The following STRN4 variants were observed in gnomAD, a reference collection of about 807,000 sequenced individuals.
STRN4 encodes striatin-4.
A neutral mutation model predicts 77.9 loss-of-function variants in STRN4; 27 were observed. That is an observed-to-expected ratio of 0.35 (90% CI 0.26 to 0.48). The LOEUF (loss-of-function observed/expected upper bound fraction) is 0.48. STRN4 is among the 20% of genes least tolerant of loss of function. STRN4 has a pLI of 0.99. For missense variants in STRN4, 798 were observed against 1,049.7 expected (o/e 0.76, Z 3.31); for synonymous variants, 466 against 443.1 (o/e 1.05, Z -0.65).
Position 46,721,980 on chromosome 19 carries a change from A to G in STRN4, c.2092+6T>C. 6.2e-7 allele frequency: 1 copy of G among 1,613,636 alleles called. No homozygotes were observed. Among genetic ancestry groups the G allele is most frequent in the East Asian group, 2.2e-5 (1 of 44,862 alleles). ...AACCCTGGTGGGACTAGTGTGCTCA[A>G]CTTACTTCCTGACATCAGGAATGCG... is the stretch of plus-strand genomic sequence containing the variant. On this transcript the variant is annotated splice_donor_region_variant and intron_variant, in intron 16 of 17. Transcript: ENST00000263280.
intron 6 of STRN4, 59 bp downstream of exon 6, chr19:46,730,673 A>G: frequency 1.3e-6 from 2 of 1,590,082 alleles, no homozygotes; most frequent in East Asian, 4.5e-5. Flanking sequence ...CTGACTCGGA[A>G]GGGCTTCGAT....
chr19:46,737,703 A>G (rs957119663), intron 3 of STRN4, among the ~76,000 whole-genome samples: 2 of 152,156 alleles, frequency 1.3e-5, no homozygotes, highest in African/African-American at 4.8e-5. Flanking sequence ...AAGGGACCAG[A>G]GGGTAGAGAC....
chr19:46,724,459 C>G (rs1040529352), intron 12 of STRN4, among the ~76,000 whole-genome samples: 1 of 152,210 alleles, frequency 6.6e-6, no homozygotes, highest in Non-Finnish European at 1.5e-5. Context: ...CGGATCCCCA[C>G]ACACAGAGTA....
chr19:46,738,872 A>G lies in STRN4; in HGVS notation c.299T>C (p.Leu100Pro). 6.2e-7 allele frequency: 1 copy of G among 1,614,052 alleles called. No homozygotes were observed. The highest frequency in any genetic ancestry group is 1.1e-5 in the South Asian group (1 of 91,080). ...RAELQAQVAFLQGERKGQENL... is the reference protein window; with the variant it reads ...RAELQAQVAFPQGERKGQENL... ...CTCCTGCCCTTTCCTCTCTCCCTGA[A>G]GGAAGGCCACCTGAGCCTGGGAGGG... Residue 100 changes from leucine (L) to proline (P), a missense_variant, in exon 2 of 18, where the codon CTT (leucine) becomes CCT (proline). Physicochemically the swap from Leu to Pro is moderately conservative, Grantham distance 98 (BLOSUM62 -3). Transcript: ENST00000263280. The surrounding 1 kb of genome is among the most constrained non-coding windows in gnomAD (Gnocchi z 4.5).
intron 11 of STRN4, 77 bp downstream of exon 11, chr19:46,725,255 C>G: frequency 1.9e-6 from 3 of 1,601,498 alleles, no homozygotes; most frequent in Non-Finnish European, 1.7e-6. Flanking sequence ...GTGGGCCTCC[C>G]GCGATGGCAG....
At chr19:46,720,805 C>T (rs369606419) in intron 16 of STRN4, 34 bp from the exon 17 acceptor site, 1 of 1,516,480 alleles carries the variant, frequency 6.6e-7, no homozygotes, top group Non-Finnish European at 8.9e-7. Flanking sequence ...GGGGTGGTCA[C>T]TGGGCTCCTC....
At chr19:46,735,889 G>A (rs905548819) in intron 4 of STRN4, among the ~76,000 whole-genome samples, 3 of 151,864 alleles carry the variant, frequency 2.0e-5, no homozygotes, top group East Asian at 3.9e-4. Flanking sequence ...GCTTGAACCC[G>A]GGAGGCAGAG....
intron 6 of STRN4, among the ~76,000 whole-genome samples, chr19:46,729,955 T>TG (rs2122287614): frequency 6.6e-6 from 1 of 152,140 alleles, no homozygotes; most frequent in South Asian, 2.1e-4. Context: ...CAGCTGGGCC[T>TG]CGATGGAGGG....
chr19:46,743,313 GAAAAC>G (rs1442784354), intron 1 of STRN4, among the ~76,000 whole-genome samples: 1 of 152,054 alleles, frequency 6.6e-6, no homozygotes, highest in African/African-American at 2.4e-5. Context: ...CAGAATAAAA[GAAAAC>G]AAAAGTACAA....
chr19:46,741,812 C>T lies in STRN4; in HGVS notation c.283-2924G>A, dbSNP rs977049031. Among the ~76,000 whole-genome samples, 1 of 152,234 alleles carries T rather than the reference C, an allele frequency of 6.6e-6. No individual in the cohort carries two copies. The highest frequency in any genetic ancestry group is 2.4e-5 in the African/African-American group (1 of 41,468). Reference sequence around the variant, plus strand: ...CTGAATTCGCTGCTTCCTGTCCCAGCTAGCTGGGAAGAGTCCCCGTTTCGT... The same window carrying T: ...CTGAATTCGCTGCTTCCTGTCCCAGTTAGCTGGGAAGAGTCCCCGTTTCGT... On this transcript the variant is annotated intron_variant, in intron 1 of 17. Transcript: ENST00000263280. This position sits in a 1 kb window ranked among gnomAD's most constrained non-coding sequence, Gnocchi z 4.9.
chr19:46,738,751 C>T lies in STRN4; in HGVS notation c.386+34G>A. The T allele has an allele frequency of 6.2e-7, 1 of 1,610,528 alleles. No individual in the cohort carries two copies. The highest frequency in any genetic ancestry group is 8.5e-7 in the Non-Finnish European group (1 of 1,177,060). Reference sequence around the variant, plus strand: ...CCTGACACTGTGCTTGAGACGGACCCAGAAGGCAGGCCCAGGGCAGGATGA... The same window carrying T: ...CCTGACACTGTGCTTGAGACGGACCTAGAAGGCAGGCCCAGGGCAGGATGA... On this transcript the variant is annotated intron_variant, in intron 2 of 17. Transcript: ENST00000263280. The surrounding 1 kb of genome is among the most constrained non-coding windows in gnomAD (Gnocchi z 4.5).
chr19:46,729,411 C>A (rs1485060068), intron 6 of STRN4, among the ~76,000 whole-genome samples: 2 of 152,216 alleles, frequency 1.3e-5, no homozygotes, highest in African/African-American at 4.8e-5. Context: ...TGGCTGACCC[C>A]TTCCACATGT....
chr19:46,727,712 A>T, intron 8 of STRN4, 166 bp from the exon 9 acceptor site: 1 of 756,964 alleles, frequency 1.3e-6, no homozygotes, highest in Admixed American at 2.5e-5. Flanking sequence ...ACAGAGAGAC[A>T]GACAGGGCAG....
rs570784765 is a variant in STRN4 at position 46,722,906 on chromosome 19, C to G, written c.1810G>C (p.Ala604Pro). Residue 604 changes from alanine to proline, a missense_variant, in exon 14 of 18, where the codon GCC becomes CCC. This residue lies in a region of STRN4 where 287 missense variants were observed against 473.8 expected (regional missense o/e 0.61). Transcript: ENST00000263280. ...TSVAFTSTEPAHIVASFRSGD... is the reference protein window; with the variant it reads ...TSVAFTSTEPPHIVASFRSGD... ...GAGCGGAAGGAGGCCACGATGTGGG[C>G]AGGCTCGGTGCTGGTGAAGGCCACT... 1.2e-6 allele frequency: 2 copies of G among 1,614,008 alleles called. No individual in the cohort carries two copies. The highest frequency in any genetic ancestry group is 2.2e-5 in the South Asian group (2 of 91,084).
At chr19:46,739,891 T>C (rs1415223473) in intron 1 of STRN4, among the ~76,000 whole-genome samples, 1 of 152,208 alleles carries the variant, frequency 6.6e-6, no homozygotes, top group Non-Finnish European at 1.5e-5. Flanking sequence ...CTTCTACTTC[T>C]TTCATCATTT....
chr19:46,722,396 G>C lies in STRN4; in HGVS notation c.1907-56C>G, dbSNP rs1403021631. ...GTCAAGCAGAAAATCAGGAAGACCA[G>C]AACAGAGGCACAAGCGCAGCGTGAC... is the stretch of plus-strand genomic sequence containing the variant. On this transcript the variant is annotated intron_variant, in intron 14 of 17. Transcript: ENST00000263280. The C allele has an allele frequency of 7.1e-6, 11 of 1,556,284 alleles. No individual in the cohort carries two copies. The Admixed American group carries it at 1.2e-4, about 17-fold the overall frequency.
At chr19:46,726,273 G>C (rs895307126) in intron 9 of STRN4, 1 of 152,950 alleles carries the variant, frequency 6.5e-6, no homozygotes, top group African/African-American at 2.4e-5. Context: ...GAAACAAGGA[G>C]CCGGGGAAGT....
rs143572636 is a variant in STRN4, at chr19:46,724,472, C to A, written c.1594+335G>T. ...GGCGGATCCCCACACACAGAGTACA[C>A]GGCATGGCAGAGCAGAGGCTGCCAG... is the stretch of plus-strand genomic sequence containing the variant. On this transcript the variant is annotated intron_variant, in intron 12 of 17. Coordinates refer to ENST00000263280, the MANE Select transcript of STRN4 (RefSeq NM_013403.3). 6.2e-3 allele frequency among the ~76,000 whole-genome samples: 944 copies of A among 152,344 alleles called. 13 individuals carry two copies. Among genetic ancestry groups the A allele is most frequent in the African/African-American group, 0.021 (881 of 41,588 alleles).
At chr19:46,730,166 T>A (rs981458986) in intron 6 of STRN4, among the ~76,000 whole-genome samples, 1 of 152,210 alleles carries the variant, frequency 6.6e-6, no homozygotes, top group African/African-American at 2.4e-5. Context: ...CTCCTGCTCT[T>A]CCTCTAGGCC....
Sources: gnomAD v4.1 joint callset for allele counts (sites outside exome capture counted in the v4.1 genomes callset) on GRCh38, gnomAD v4.1.1 for gene constraint, gnomAD v4.1.1 regional missense constraint, Gnocchi (gnomAD v3.1) non-coding constraint, MANE v1.5 for transcripts, NCBI Gene and HGNC (gene_info 2026-07-23, HGNC 2026-07-21) for gene names.